Variants in PPP6R2 observed in about 807,000 individuals in gnomAD.
PPP6R2 encodes serine/threonine-protein phosphatase 6 regulatory subunit 2.
PPP6R2 carries 62 observed loss-of-function variants against 100.2 expected under a neutral mutation model. The ratio of observed to expected loss-of-function variants is 0.62; its 90% CI spans 0.50 to 0.76. The LOEUF is 0.76. PPP6R2 is among the 30% of genes least tolerant of loss of function. The pLI, the probability that PPP6R2 is intolerant of heterozygous loss-of-function variation, is 0.00. For synonymous variants in PPP6R2, 525 were observed against 514.7 expected (o/e 1.02, Z -0.27); for missense variants, 1,142 against 1,276.3 (o/e 0.89, Z 1.60).
At chr22:50,354,975 C>G (rs1417138627) in intron 1 of PPP6R2, among the ~76,000 whole-genome samples, 1 of 150,430 alleles carries the variant, frequency 6.6e-6, no homozygotes, top group African/African-American at 2.4e-5. Context: ...TCCTGAGTAG[C>G]TGAGACTACA....
chr22:50,368,239 T>C (rs2049183122), intron 1 of PPP6R2, among the ~76,000 whole-genome samples: 1 of 152,282 alleles, frequency 6.6e-6, no homozygotes, highest in African/African-American at 2.4e-5. Context: ...CTGACTGATG[T>C]CAGGCCTTCC....
intron 8 of PPP6R2, among the ~76,000 whole-genome samples, chr22:50,421,823 G>A (rs913755627): frequency 4.6e-5 from 7 of 152,018 alleles, no homozygotes; most frequent in African/African-American, 1.5e-4. Flanking sequence ...AGCTAAGATC[G>A]CACCATCGCA....
intron 2 of PPP6R2, among the ~76,000 whole-genome samples, chr22:50,383,128 A>G (rs7286698): frequency 0.38 from 58,114 of 151,994 alleles, 11,366 homozygotes; most frequent in South Asian, 0.63. Flanking sequence ...ATAAGCCAGC[A>G]CACCCGGCCT....
intron 1 of PPP6R2, among the ~76,000 whole-genome samples, chr22:50,358,231 C>G (rs988304475): frequency 2.0e-5 from 3 of 152,210 alleles, no homozygotes; most frequent in Non-Finnish European, 2.9e-5. Flanking sequence ...GCTCAGATTA[C>G]AGGTGTGAAC....
At chr22:50,440,441 C>T (rs2065317132) in intron 21 of PPP6R2, among the ~76,000 whole-genome samples, 1 of 150,964 alleles carries the variant, frequency 6.6e-6, no homozygotes, top group Admixed American at 6.6e-5. Context: ...GAAGCTCCCC[C>T]AGATAAGGCT....
In PPP6R2 at chr22:50,352,801, G is replaced by A. The variant is rs147943835; in HGVS notation, c.-148+9251G>A. Among the ~76,000 whole-genome samples, 65 of 151,866 alleles carry A rather than the reference G, an allele frequency of 4.3e-4. No individual in the cohort carries two copies. In the East Asian group the frequency reaches 8.1e-3, roughly 19 times the overall value. ...CTTTCTGCAGGCTAGGCACGGTTGC[G>A]CACACCTCTAATCCCAGCACTTTGG... On this transcript the variant is annotated intron_variant, in intron 1 of 23. Coordinates refer to ENST00000612753, the MANE Select transcript of PPP6R2 (RefSeq NM_001242898.2).
chr22:50,367,627 T>C (rs950210330), intron 1 of PPP6R2, among the ~76,000 whole-genome samples: 7 of 152,212 alleles, frequency 4.6e-5, no homozygotes, highest in African/African-American at 1.7e-4. Context: ...TCCAGTATTA[T>C]TAGATGCTGT....
chr22:50,355,954 A>G (rs1323624643), intron 1 of PPP6R2, among the ~76,000 whole-genome samples: 3 of 149,776 alleles, frequency 2.0e-5, no homozygotes, highest in African/African-American at 2.5e-5. Flanking sequence ...TAATACCTAT[A>G]GTGTATTTCC....
chr22:50,372,939 G>A (rs986224628), intron 2 of PPP6R2, among the ~76,000 whole-genome samples: 12 of 152,076 alleles, frequency 7.9e-5, no homozygotes, highest in African/African-American at 2.4e-4. Context: ...CGCCCGCCTC[G>A]GCCTCCCAAA....
rs373883361 is a variant in PPP6R2 at position 50,440,794 on chromosome 22, T to C, written c.2375-28T>C. On this transcript the variant is annotated intron_variant, in intron 21 of 23. Transcript: ENST00000612753. The stretch of plus-strand genomic sequence containing the variant: ...CACCCTGTGACCCCTCCTGCCTCAC[T>C]GGACAGCACAGGCCTCCTACTTTGC... 2.5e-6 allele frequency: 4 copies of C among 1,610,514 alleles called. No homozygotes were observed. The African/African-American group carries it at 4.0e-5, about 16-fold the overall frequency.
chr22:50,393,950 C>G lies in PPP6R2; in HGVS notation c.42C>G (p.Asp14Glu). 1.2e-6 allele frequency: 2 copies of G among 1,614,200 alleles called. No individual in the cohort carries two copies. Among genetic ancestry groups the G allele is most frequent in the Non-Finnish European group, 1.7e-6 (2 of 1,180,024 alleles). ...KFDLNTTSHV[D>E]KLLDKEHVTL... ...ACTTGAACACCACGTCCCATGTTGA[C>G]AAGCTGCTGGACAAGGAGCATGTGA... The change falls in exon 3 of 24, where the codon GAC becomes GAG. Residue 14 changes from aspartate to glutamate, a missense_variant. By Grantham distance (45) the Asp-to-Glu change is conservative. This residue lies in a region of PPP6R2 where 592 missense variants were observed against 758.9 expected (regional missense o/e 0.78). Transcript: ENST00000612753.
chr22:50,438,909 C>A (rs147774162), intron 19 of PPP6R2, 147 bp downstream of exon 19: 1 of 900,914 alleles, frequency 1.1e-6, no homozygotes, highest in Non-Finnish European at 1.6e-6. Flanking sequence ...ATTTCCCAGC[C>A]GTCCTGAGTA....
At chr22:50,335,960 G>A in the PPP6R2 span, among the ~76,000 whole-genome samples, 1 of 149,856 alleles carries the variant, frequency 6.7e-6, no homozygotes. Flanking sequence ...ACAGGCGTGA[G>A]CCACTGCACC....
rs1569269379 is a variant in PPP6R2 at position 50,355,233 on chromosome 22, T to TC, written c.-148+11683_-148+11684insC. On this transcript the variant is annotated intron_variant, in intron 1 of 23. Transcript: ENST00000612753. ...CCACATACAGCAAGCAGCCTTCTTTTTTTTTTTTTTTTTTTCTTTTTTGAG... is the reference window on the plus strand; with the variant it reads ...CCACATACAGCAAGCAGCCTTCTTTTCTTTTTTTTTTTTTTTCTTTTTTGAG... 2.4e-4 allele frequency among the ~76,000 whole-genome samples: 36 copies of TC among 150,594 alleles called. 1 individual carries two copies. In the East Asian group the frequency reaches 2.9e-3, roughly 12 times the overall value.
At chr22:50,417,578 T>A (rs1158713343) in intron 6 of PPP6R2, among the ~76,000 whole-genome samples, 1 of 152,192 alleles carries the variant, frequency 6.6e-6, no homozygotes, top group African/African-American at 2.4e-5. Flanking sequence ...TGCTGACTCG[T>A]GTCTGAGGCC....
At chr22:50,364,220 G>T (rs886503261) in intron 1 of PPP6R2, among the ~76,000 whole-genome samples, 4 of 152,144 alleles carry the variant, frequency 2.6e-5, no homozygotes, top group Non-Finnish European at 5.9e-5. Flanking sequence ...TTATTGTGAG[G>T]CCAGTGGAAT....
chr22:50,433,537 T>C (rs376862333), intron 12 of PPP6R2, among the ~76,000 whole-genome samples: 719 of 26,540 alleles, frequency 0.027, 1 homozygote, highest in Middle Eastern at 0.05. Flanking sequence ...GGAGGAGGGC[T>C]GGGGGCGCGG....
At chr22:50,411,929 C>G (rs2059803549) in intron 4 of PPP6R2, among the ~76,000 whole-genome samples, 2 of 151,140 alleles carry the variant, frequency 1.3e-5, no homozygotes, top group African/African-American at 4.9e-5. Flanking sequence ...CCTGTAGTCC[C>G]AGCTACTCGG....
intron 2 of PPP6R2, among the ~76,000 whole-genome samples, chr22:50,390,930 C>T (rs1490861330): frequency 6.7e-6 from 1 of 149,316 alleles, no homozygotes; most frequent in African/African-American, 2.5e-5. Flanking sequence ...CCCCAGGAGG[C>T]GGAGATTGCA....
Sources: gnomAD v4.1 joint callset for allele counts (sites outside exome capture counted in the v4.1 genomes callset) on GRCh38, gnomAD v4.1.1 for gene constraint, gnomAD v4.1.1 regional missense constraint, MANE v1.5 for transcripts, NCBI Gene and HGNC (gene_info 2026-07-23, HGNC 2026-07-21) for gene names.